ERCC6L2: variants seen among roughly 807,000 people sequenced by gnomAD.
The protein encoded by ERCC6L2 is ERCC excision repair 6 like 2.
Under a neutral mutation model 132.0 loss-of-function variants are expected in ERCC6L2, and 77 were observed. That is an observed-to-expected ratio of 0.58 (90% confidence interval 0.49 to 0.71). ERCC6L2 has a LOEUF of 0.71. ERCC6L2 is among the 30% of genes least tolerant of loss of function. The pLI is 0.00. For missense variants in ERCC6L2, 1,542 were observed against 1,837.6 expected (o/e 0.84, Z 2.94); for synonymous variants, 583 against 632.4 (o/e 0.92, Z 1.17).
At chr9:95,891,797 A>G (rs775015191) in intron 2 of ERCC6L2, among the ~76,000 whole-genome samples, 4 of 152,190 alleles carry the variant, frequency 2.6e-5, no homozygotes, top group Non-Finnish European at 4.4e-5. Context: ...GTAATGGCCA[A>G]TGATGTTGAA....
At chr9:95,962,257 G>T (rs1298745953) in intron 13 of ERCC6L2, among the ~76,000 whole-genome samples, 3 of 152,028 alleles carry the variant, frequency 2.0e-5, no homozygotes, top group African/African-American at 4.8e-5. Context: ...GTTTTGGGGG[G>T]GTTGGGGAGA....
chr9:95,954,606 A>C (rs973105996), intron 12 of ERCC6L2: 1 of 357,800 alleles, frequency 2.8e-6, no homozygotes, highest in Non-Finnish European at 5.7e-6. Flanking sequence ...AAGTGTCTAA[A>C]ATTTTTGTCT....
chr9:95,938,597 C>G (rs766638074), intron 11 of ERCC6L2, among the ~76,000 whole-genome samples: 19 of 152,052 alleles, frequency 1.2e-4, no homozygotes, highest in Non-Finnish European at 2.2e-4. Context: ...TATTAACTTT[C>G]TTTGCTCTGA....
At chr9:95,941,632 A>T (rs1376157582) in intron 12 of ERCC6L2, 83 bp downstream of exon 12, 3 of 980,136 alleles carry the variant, frequency 3.1e-6, no homozygotes, top group Non-Finnish European at 4.8e-6. Context: ...TGCTTATACT[A>T]TGACTATGAT....
At position 95,972,126 on chromosome 9, in the gene ERCC6L2, A is replaced by G; in HGVS notation, c.2375A>G (p.Gln792Arg). ...SSSPGQLTLL[Q>R]CGFSKLLETK... ...TCTCCAGGACAGCTTACCTTACTCC[A>G]GTGTGGTTTCTCGAAATTGCTTGAA... is the stretch of plus-strand genomic sequence containing the variant. The change falls in exon 16 of 19, where the codon CAG becomes CGG. Residue 792 changes from glutamine to arginine, a missense_variant. By Grantham distance (43) the Gln-to-Arg change is conservative. Coordinates refer to ENST00000653738, the MANE Select transcript of ERCC6L2 (RefSeq NM_020207.7). 1 of 1,304,288 alleles carries G rather than the reference A, an allele frequency of 7.7e-7. No individual in the cohort carries two copies. The allele number at this position is 1,304,288 out of a possible 1,614,324, so 80.8% of individuals were successfully genotyped here.
At chr9:95,987,454 G>A (rs1470557920) in intron 17 of ERCC6L2, among the ~76,000 whole-genome samples, 1 of 152,172 alleles carries the variant, frequency 6.6e-6, no homozygotes, top group Non-Finnish European at 1.5e-5. Flanking sequence ...AGGTGCTAAA[G>A]GCCCCATGCA....
At chr9:96,004,912 A>G (rs761361983) in intron 18 of ERCC6L2, 1 of 338,060 alleles carries the variant, frequency 3.0e-6, no homozygotes, top group Non-Finnish European at 5.7e-6. Context: ...AAATCATGTT[A>G]TACAAAGAAA....
intron 11 of ERCC6L2, among the ~76,000 whole-genome samples, chr9:95,930,849 G>GCACA (rs1830304418): frequency 6.6e-6 from 1 of 152,000 alleles, no homozygotes; most frequent in Admixed American, 6.6e-5. Flanking sequence ...ATTAGCATTA[G>GCACA]CACACACCCA....
At chr9:95,981,281 A>G (rs1588018041) in intron 17 of ERCC6L2, among the ~76,000 whole-genome samples, 2 of 152,204 alleles carry the variant, frequency 1.3e-5, no homozygotes, top group East Asian at 3.8e-4. Context: ...TATTTGATGT[A>G]CAGTAATTAT....
intron 17 of ERCC6L2, among the ~76,000 whole-genome samples, chr9:95,984,857 T>G (rs181607998): frequency 5.9e-5 from 9 of 152,344 alleles, no homozygotes; most frequent in Admixed American, 5.9e-4. Context: ...TTTCATAGTT[T>G]CTCTGGAAAT....
At position 96,018,428 on chromosome 9, in the gene ERCC6L2, A is replaced by T. The variant is rs1381771302; in HGVS notation, c.*5225A>T. 6.6e-6 allele frequency among the ~76,000 whole-genome samples: 1 copy of T among 151,880 alleles called. No individual in the cohort carries two copies. The highest frequency in any genetic ancestry group is 2.4e-5 in the African/African-American group (1 of 41,390). On this transcript the variant is annotated 3_prime_UTR_variant, in exon 19 of 19. Transcript: ENST00000653738. ...TTATTTTGAAAAAAACATTTTCCTT[A>T]TTAAAAGATTGGAAAAAAATTCACA...
At chr9:95,915,363 T>G (rs1829531983) in intron 4 of ERCC6L2, among the ~76,000 whole-genome samples, 1 of 152,228 alleles carries the variant, frequency 6.6e-6, no homozygotes, top group South Asian at 2.1e-4. Flanking sequence ...TCTTTTATAT[T>G]TGTTTTTCTG....
intron 19 of ERCC6L2, among the ~76,000 whole-genome samples, chr9:96,030,759 C>T (rs894726200): frequency 1.3e-5 from 2 of 151,374 alleles, no homozygotes; most frequent in East Asian, 1.9e-4. Flanking sequence ...GCTCCAGCGA[C>T]GCCACGAACC....
At chr9:95,963,587 A>T (rs1287312979) in intron 13 of ERCC6L2, among the ~76,000 whole-genome samples, 1 of 152,122 alleles carries the variant, frequency 6.6e-6, no homozygotes. Context: ...TTGATAAAAC[A>T]TGATGCTGTA....
intron 2 of ERCC6L2, among the ~76,000 whole-genome samples, chr9:95,887,909 T>TTA (rs1274678703): frequency 6.6e-6 from 1 of 152,188 alleles, no homozygotes; most frequent in Non-Finnish European, 1.5e-5. Flanking sequence ...GGAAGGTTAA[T>TTA]TAGCCCCCAG....
intron 19 of ERCC6L2, among the ~76,000 whole-genome samples, chr9:96,031,179 T>C (rs970300055): frequency 2.6e-5 from 4 of 152,244 alleles, no homozygotes; most frequent in Admixed American, 2.0e-4. Flanking sequence ...CAAGGTGCTG[T>C]GCTCAAGGAG....
downstream of ERCC6L2, chr9:96,020,094 A>G: frequency 6.5e-6 from 1 of 152,994 alleles, no homozygotes; most frequent in Non-Finnish European, 1.5e-5. Flanking sequence ...AGGCAGGAGA[A>G]TCTCTTGAAC....
intron 16 of ERCC6L2, among the ~76,000 whole-genome samples, chr9:95,975,904 G>A (rs888952808): frequency 4.0e-5 from 6 of 151,886 alleles, no homozygotes; most frequent in African/African-American, 1.5e-4. Flanking sequence ...TCTTTCCTAA[G>A]TTCTTATCAC....
intron 11 of ERCC6L2, among the ~76,000 whole-genome samples, chr9:95,931,019 A>G (rs690063): frequency 0.26 from 40,088 of 152,146 alleles, 5,878 homozygotes; most frequent in East Asian, 0.4. Flanking sequence ...TTACATTACT[A>G]TGTTTTTATA....
Sources: gnomAD v4.1 joint callset for allele counts (sites outside exome capture counted in the v4.1 genomes callset) on GRCh38, gnomAD v4.1.1 for gene constraint, MANE v1.5 for transcripts, NCBI Gene and HGNC (gene_info 2026-07-23, HGNC 2026-07-21) for gene names.